The following PLXNA4 variants were observed in gnomAD, a reference collection of about 807,000 sequenced individuals.
PLXNA4 encodes the protein plexin-A4.
A neutral mutation model predicts 191.8 loss-of-function variants in PLXNA4; 44 were observed. The ratio of observed to expected loss-of-function variants is 0.23; its 90% CI spans 0.18 to 0.29. The LOEUF is 0.29. PLXNA4 is among the 10% of genes least tolerant of loss of function. The probability of loss-of-function intolerance (pLI) is 1.00; values close to 1 mark genes in which losing one functional copy is unlikely to be tolerated. For synonymous variants in PLXNA4, 1,082 were observed against 1,009.5 expected (o/e 1.07, Z -1.36); for missense variants, 1,800 against 2,488.8 (o/e 0.72, Z 5.89).
intron 30 of PLXNA4, among the ~76,000 whole-genome samples, chr7:132,137,805 G>A (rs1226159084): frequency 2.0e-5 from 3 of 152,088 alleles, no homozygotes; most frequent in South Asian, 2.1e-4. Flanking sequence ...GAGGGCAGGT[G>A]GGAGGATGGA....
intron 3 of PLXNA4, among the ~76,000 whole-genome samples, chr7:132,412,000 C>G (rs921763078): frequency 6.6e-6 from 1 of 152,100 alleles, no homozygotes; most frequent in African/African-American, 2.4e-5. Context: ...CCACAGGGAG[C>G]CTTTCTCAGG....
chr7:132,605,241 G>A (rs931479261), intron 2 of PLXNA4, among the ~76,000 whole-genome samples: 6 of 152,196 alleles, frequency 3.9e-5, no homozygotes, highest in Non-Finnish European at 8.8e-5. Flanking sequence ...AAATCCATGC[G>A]GCGGTGTGCC....
At chr7:132,590,164 T>C (rs575441217) in intron 2 of PLXNA4, among the ~76,000 whole-genome samples, 1 of 152,332 alleles carries the variant, frequency 6.6e-6, no homozygotes, top group South Asian at 2.1e-4. Flanking sequence ...TGACTTCTTA[T>C]GCTATATGAA....
At chr7:132,391,864 C>T (rs60710405) in intron 3 of PLXNA4, among the ~76,000 whole-genome samples, 21,306 of 152,118 alleles carry the variant, frequency 0.14, 1,875 homozygotes, top group East Asian at 0.39. Flanking sequence ...CGGTGGCTCA[C>T]GCTTGTAATC....
At chr7:132,639,075 T>C (rs894918462) in intron 2 of PLXNA4, among the ~76,000 whole-genome samples, 3 of 152,154 alleles carry the variant, frequency 2.0e-5, no homozygotes, top group African/African-American at 7.2e-5. Context: ...ATCTGGGTTA[T>C]ATCAAAGTTC....
intron 3 of PLXNA4, among the ~76,000 whole-genome samples, chr7:132,448,978 C>G (rs1000765380): frequency 4.6e-5 from 7 of 152,098 alleles, no homozygotes; most frequent in Admixed American, 2.0e-4. Context: ...AATGTTACAA[C>G]AGGTAATGAA....
intron 1 of PLXNA4, among the ~76,000 whole-genome samples, chr7:132,561,262 T>G (rs971178463): frequency 2.9e-4 from 44 of 152,032 alleles, no homozygotes; most frequent in Middle Eastern, 3.4e-3. Context: ...CCTCTAAAAC[T>G]CAACTGGATG....
At chr7:132,532,829 C>T (rs1799675142) in intron 1 of PLXNA4, among the ~76,000 whole-genome samples, 1 of 152,192 alleles carries the variant, frequency 6.6e-6, no homozygotes, top group Non-Finnish European at 1.5e-5. Flanking sequence ...CCCAGTTGTT[C>T]CCTTTACCTA....
At chr7:132,531,276 T>C (rs1475292199) in intron 1 of PLXNA4, among the ~76,000 whole-genome samples, 1 of 152,252 alleles carries the variant, frequency 6.6e-6, no homozygotes. Flanking sequence ...AGACACACTG[T>C]AGTCCTCTGC....
At chr7:132,295,258 A>G (rs1334821086) in intron 4 of PLXNA4, among the ~76,000 whole-genome samples, 1 of 152,228 alleles carries the variant, frequency 6.6e-6, no homozygotes, top group Non-Finnish European at 1.5e-5. Flanking sequence ...AGCTGCTGGC[A>G]GCAAGAGAGA....
At chr7:132,437,569 GA>G (rs58252362) in intron 3 of PLXNA4, among the ~76,000 whole-genome samples, 15,669 of 138,156 alleles carry the variant, frequency 0.11, 2,054 homozygotes, top group African/African-American at 0.35. Flanking sequence ...GGAAAAAAAA[GA>G]AAAAAAAAAA....
At chr7:132,563,412 C>T (rs1194246323) in intron 1 of PLXNA4, among the ~76,000 whole-genome samples, 15 of 48,454 alleles carry the variant, frequency 3.1e-4, no homozygotes, top group South Asian at 1.0e-3. Flanking sequence ...CTCCTCCTCT[C>T]CCTCCTCCTC....
At chr7:132,515,327 A>C (rs1193631456) in intron 1 of PLXNA4, among the ~76,000 whole-genome samples, 1 of 152,196 alleles carries the variant, frequency 6.6e-6, no homozygotes, top group African/African-American at 2.4e-5. Context: ...TAAATGTCTC[A>C]ATTGTGTCCA....
At chr7:132,343,402 C>T (rs961309602) in intron 3 of PLXNA4, among the ~76,000 whole-genome samples, 1 of 152,224 alleles carries the variant, frequency 6.6e-6, no homozygotes, top group Non-Finnish European at 1.5e-5. Context: ...AACTGCTCCC[C>T]TTTCCCCTCC....
intron 1 of PLXNA4, among the ~76,000 whole-genome samples, chr7:132,563,679 T>C (rs1419980441): frequency 0.048 from 1,021 of 21,478 alleles, no homozygotes; most frequent in East Asian, 0.067. Context: ...TCCTCCTCTT[T>C]CTCCTCCTCC....
chr7:132,418,104 G>A (rs1320930867), intron 3 of PLXNA4, among the ~76,000 whole-genome samples: 1 of 152,180 alleles, frequency 6.6e-6, no homozygotes, highest in African/African-American at 2.4e-5. Flanking sequence ...TCTTTGCTGA[G>A]TCCTTCTAGA....
At position 132,378,852 on chromosome 7, in the gene PLXNA4, T is replaced by C. The variant is rs555269540; in HGVS notation, c.1372-80630A>G. 7.9e-4 allele frequency among the ~76,000 whole-genome samples: 119 copies of C among 149,960 alleles called. 1 individual carries two copies. Among genetic ancestry groups the C allele is most frequent in the East Asian group, 3.5e-3 (18 of 5,092 alleles). On this transcript the variant is annotated intron_variant, in intron 3 of 31. Coordinates refer to ENST00000321063, the MANE Select transcript of PLXNA4 (RefSeq NM_020911.2). ...TTCTGAAATGGGCACTGGATCTTTT[T>C]TTTTTTTTTTTTTTTGAAATGGAGT... is the stretch of plus-strand genomic sequence containing the variant.
chr7:132,560,024 ACCCTAT>A (rs1484090046), intron 1 of PLXNA4, among the ~76,000 whole-genome samples: 10 of 152,006 alleles, frequency 6.6e-5, no homozygotes, highest in African/African-American at 2.4e-4. Context: ...GACCAAGCCA[ACCCTAT>A]CTAGTCGCCA....
rs377114297 is a variant in PLXNA4, at chr7:132,187,512, G to A, written c.2952C>T (p.Asn984=). ...ITGTNLNAGS[N]VVVMFGKQPC... ...GCTGCTTTCCAAACATCACCACCAC[G>A]TTGCTTCCGGCATTCAGGTTGGTGC... is the stretch of plus-strand genomic sequence containing the variant. The change falls in exon 15 of 32, where the codon AAC becomes AAT. Residue 984 remains asparagine, a synonymous_variant. Transcript: ENST00000321063. The A allele has an allele frequency of 1.2e-4, 196 of 1,614,108 alleles. No homozygotes were observed. The highest frequency in any genetic ancestry group is 2.7e-4 in the South Asian group (25 of 91,074).
Sources: gnomAD v4.1 joint callset for allele counts (sites outside exome capture counted in the v4.1 genomes callset) on GRCh38, gnomAD v4.1.1 for gene constraint, MANE v1.5 for transcripts, NCBI Gene and HGNC (gene_info 2026-07-23, HGNC 2026-07-21) for gene names.